Variants in PTK2 observed in about 807,000 individuals in gnomAD.
PTK2 encodes the protein focal adhesion kinase 1.
Under a neutral mutation model 150.1 loss-of-function variants are expected in PTK2, and 45 were observed. The observed-to-expected ratio is 0.30, with a 90% CI of 0.24 to 0.38. PTK2 has a LOEUF of 0.38. PTK2 is among the 10% of genes least tolerant of loss of function. The pLI, the probability that PTK2 is intolerant of heterozygous loss-of-function variation, is 1.00. For synonymous variants in PTK2, 432 were observed against 449.2 expected (o/e 0.96, Z 0.48); for missense variants, 919 against 1,307.3 (o/e 0.70, Z 4.58).
chr8:140,803,318 CATT>C (rs2100096372), intron 11 of PTK2, among the ~76,000 whole-genome samples: 1 of 152,076 alleles, frequency 6.6e-6, no homozygotes. Context: ...CTTTAATCAT[CATT>C]ATCTTTACAA....
chr8:140,820,039 G>C (rs938778270), intron 8 of PTK2, among the ~76,000 whole-genome samples: 1 of 138,820 alleles, frequency 7.2e-6, no homozygotes, highest in South Asian at 2.5e-4. Context: ...AAGCCCTCAG[G>C]AGACTTTGAG....
At chr8:140,955,964 G>A (rs1444874985) in intron 1 of PTK2, among the ~76,000 whole-genome samples, 3 of 152,184 alleles carry the variant, frequency 2.0e-5, no homozygotes, top group African/African-American at 7.2e-5. Flanking sequence ...CTCTGGAAAA[G>A]GAGAGCATCC....
intron 8 of PTK2, among the ~76,000 whole-genome samples, chr8:140,819,449 T>C (rs1252488541): frequency 6.6e-6 from 1 of 152,182 alleles, no homozygotes; most frequent in East Asian, 1.9e-4. Flanking sequence ...TAAAATAAAA[T>C]TCCAGGACAT....
intron 31 of PTK2, chr8:140,662,805 C>G (rs1341892858): frequency 7.7e-6 from 4 of 520,730 alleles, no homozygotes; most frequent in Non-Finnish European, 1.5e-5. Context: ...GATGCAAAAT[C>G]TCAATCTCAT....
intron 2 of PTK2, chr8:140,921,272 A>G (rs1389510127): frequency 3.2e-6 from 1 of 309,712 alleles, no homozygotes; most frequent in Non-Finnish European, 5.2e-6. Context: ...GAGAAAAAGA[A>G]GGCCAGTAGC....
chr8:140,862,312 G>A (rs1394177469), intron 5 of PTK2, among the ~76,000 whole-genome samples: 1 of 151,974 alleles, frequency 6.6e-6, no homozygotes, highest in African/African-American at 2.4e-5. Context: ...ATAAACATGA[G>A]TTATTTAAAC....
chr8:140,917,264 G>A (rs140868174), intron 2 of PTK2, among the ~76,000 whole-genome samples: 119 of 151,674 alleles, frequency 7.8e-4, no homozygotes, highest in African/African-American at 2.7e-3. Context: ...GGTGGTGCAC[G>A]TTTGTAATCC....
intron 7 of PTK2, among the ~76,000 whole-genome samples, chr8:140,833,831 T>C (rs757964331): frequency 3.2e-4 from 48 of 152,308 alleles, no homozygotes; most frequent in Non-Finnish European, 6.3e-4. Flanking sequence ...TTTTAGAATA[T>C]TGCCAAACCC....
At chr8:140,970,976 TAAC>T (rs1294114323) in intron 1 of PTK2, among the ~76,000 whole-genome samples, 2 of 152,074 alleles carry the variant, frequency 1.3e-5, no homozygotes, top group Admixed American at 6.6e-5. Flanking sequence ...AGGATACTGA[TAAC>T]AACATCAATG....
intron 16 of PTK2, among the ~76,000 whole-genome samples, chr8:140,753,755 T>A (rs184903197): frequency 7.2e-5 from 11 of 152,338 alleles, no homozygotes; most frequent in Non-Finnish European, 1.2e-4. Context: ...GTCATTTACA[T>A]AACTACTGTC....
At chr8:140,890,630 T>C in exon 3 of PTK2, 5 of 1,614,176 alleles carry the variant, frequency 3.1e-6, no homozygotes, top group Non-Finnish European at 4.2e-6. Flanking sequence ...AGACCTTTAA[T>C]ACTCGCTCCA....
At chr8:140,659,210 C>A in exon 32 of PTK2, 1 of 500,148 alleles carries the variant, frequency 2.0e-6, no homozygotes, top group South Asian at 2.6e-5. Context: ...ATATAATTTT[C>A]ATTCTTAGAA....
At chr8:140,938,460 T>C (rs1330627254) in intron 1 of PTK2, among the ~76,000 whole-genome samples, 4 of 152,196 alleles carry the variant, frequency 2.6e-5, no homozygotes, top group Admixed American at 1.3e-4. Context: ...CCACTCCTTT[T>C]TGCTGTCTGT....
intron 14 of PTK2, among the ~76,000 whole-genome samples, chr8:140,772,565 A>G (rs2100076109): frequency 6.6e-6 from 1 of 152,226 alleles, no homozygotes; most frequent in Admixed American, 6.5e-5. Flanking sequence ...GGATAAGAGC[A>G]TTTCTTCAGT....
chr8:140,877,637 G>A (rs1395398782), intron 4 of PTK2, among the ~76,000 whole-genome samples: 3 of 151,914 alleles, frequency 2.0e-5, no homozygotes, highest in Non-Finnish European at 4.4e-5. Context: ...CACTTATGAC[G>A]ACAAGGCATC....
chr8:140,845,204 A>C (rs1485148450), intron 7 of PTK2, among the ~76,000 whole-genome samples: 1 of 152,142 alleles, frequency 6.6e-6, no homozygotes, highest in African/African-American at 2.4e-5. Context: ...ATCTCATCAT[A>C]TAATTGTCCT....
chr8:140,680,433 T>C (rs1001554811), intron 27 of PTK2, among the ~76,000 whole-genome samples: 1 of 152,196 alleles, frequency 6.6e-6, no homozygotes, highest in Admixed American at 6.5e-5. Context: ...TTTTACCATG[T>C]TGGCCAGGCT....
At chr8:140,800,083 G>T (rs2100094054) in intron 12 of PTK2, among the ~76,000 whole-genome samples, 1 of 152,106 alleles carries the variant, frequency 6.6e-6, no homozygotes, top group Non-Finnish European at 1.5e-5. Context: ...AGAAAAAGTA[G>T]AAAGGACACT....
chr8:140,748,983 A>T (rs775989476), intron 17 of PTK2, among the ~76,000 whole-genome samples: 15 of 152,254 alleles, frequency 9.9e-5, no homozygotes, highest in Non-Finnish European at 1.9e-4. Flanking sequence ...AAATACGATC[A>T]ACATGTAATA....
Sources: allele counts gnomAD v4.1 joint callset (sites outside exome capture counted in the v4.1 genomes callset), GRCh38; gene constraint gnomAD v4.1.1; transcripts MANE v1.5; gene names NCBI Gene and HGNC (gene_info 2026-07-23, HGNC 2026-07-21).